ALDH1L1: variants seen among roughly 807,000 people sequenced by gnomAD.
ALDH1L1 encodes the protein cytosolic 10-formyltetrahydrofolate dehydrogenase.
In ALDH1L1, 68 loss-of-function variants were observed where a neutral mutation model predicts 101.1. That is an observed-to-expected ratio of 0.67 (90% CI 0.55 to 0.82). The LOEUF (loss-of-function observed/expected upper bound fraction) is 0.82, where lower values mean the gene tolerates loss of function less well. Among genes scored for constraint, ALDH1L1 ranks in the 40% least tolerant of loss-of-function variants. The probability of loss-of-function intolerance (pLI) is 0.00; values close to 1 mark genes in which losing one functional copy is unlikely to be tolerated. For synonymous variants in ALDH1L1, 486 were observed against 470.8 expected, an observed-to-expected ratio of 1.03 and a Z score of -0.42; for missense variants, 1,087 against 1,172.7, an observed-to-expected ratio of 0.93 and a Z score of 1.07.
chr3:126,111,696 G>A (rs1387376411), intron 19 of ALDH1L1, among the ~76,000 whole-genome samples: 1 of 152,140 alleles, frequency 6.6e-6, no homozygotes, highest in Non-Finnish European at 1.5e-5. Flanking sequence ...TCACCCCTCT[G>A]CTCATAGGCC....
intron 16 of ALDH1L1, among the ~76,000 whole-genome samples, chr3:126,124,110 GACACACACAC>G (rs3841921): frequency 0.28 from 40,949 of 148,818 alleles, 5,986 homozygotes; most frequent in Middle Eastern, 0.43. Context: ...AGGGCGCGCG[GACACACACAC>G]ACACACACAC....
chr3:126,196,274 T>A (rs906286900), intron 1 of ALDH1L1, among the ~76,000 whole-genome samples: 13 of 152,240 alleles, frequency 8.5e-5, no homozygotes, highest in African/African-American at 3.1e-4. Flanking sequence ...CTTCAAAAAT[T>A]AAGGGTCTCA....
At chr3:126,185,212 T>C (rs1029801143), upstream of ALDH1L1, among the ~76,000 whole-genome samples, 7 of 152,186 alleles carry the variant, frequency 4.6e-5, no homozygotes, top group African/African-American at 1.7e-4. Flanking sequence ...TGCCAGGTCC[T>C]CTCCAGCCCC....
chr3:126,180,626 T>G, upstream of ALDH1L1: 1 of 1,281,160 alleles, frequency 7.8e-7, no homozygotes, highest in Non-Finnish European at 1.0e-6. Context: ...CCAGAGCCCG[T>G]GAGGGGAGGG....
chr3:126,141,674 A>T (rs1353751761), intron 9 of ALDH1L1, among the ~76,000 whole-genome samples: 1 of 152,116 alleles, frequency 6.6e-6, no homozygotes, highest in Non-Finnish European at 1.5e-5. Context: ...AAAACACAAC[A>T]TACCAAAACT....
chr3:126,143,949 G>C (rs79125564), intron 9 of ALDH1L1, among the ~76,000 whole-genome samples: 1,939 of 152,128 alleles, frequency 0.013, 42 homozygotes, highest in African/African-American at 0.044. Context: ...CTAAAAAACA[G>C]AAAAAGAAAA....
Position 126,153,540 on chromosome 3 carries a change from C to T in ALDH1L1, c.762G>A (p.Leu254=), listed in dbSNP as rs2080848801. The stretch of plus-strand genomic sequence containing the variant: ...TGGGCAAAGCGTCTCCCTCGGGCAC[C>T]AGGCCTGAAGTGTTCAGCGTTGAGT... ...FFNSTLNTSG[L]VPEGDALPIP... Residue 254 remains leucine (L), a synonymous_variant, in exon 7 of 23, where the codon CTG becomes CTA. Coordinates refer to ENST00000393434, the MANE Select transcript of ALDH1L1 (RefSeq NM_012190.4). 1 of 1,614,158 alleles carries T rather than the reference C, an allele frequency of 6.2e-7. No individual in the cohort carries two copies. The highest frequency in any genetic ancestry group is 1.1e-5 in the South Asian group (1 of 91,070).
chr3:126,154,457 A>G lies in ALDH1L1; in HGVS notation c.720+97T>C, dbSNP rs567983778. The G allele has an allele frequency of 1.2e-5, 15 of 1,277,872 alleles. No homozygotes were observed. The East Asian group carries it at 3.5e-4, about 30-fold the overall frequency. 79.2% of individuals were successfully genotyped at this position (1,277,872 alleles called of 1,614,324 possible). A position where few individuals can be genotyped will look rare whatever the true frequency, so the allele number is the denominator to read the frequency against. ...GGGAGTAGGGGCCAGGGCAGTAGCT[A>G]TTTATTATACCAACCAGTTCAAACA... On this transcript the variant is annotated intron_variant, in intron 6 of 22. Coordinates refer to ENST00000393434, the MANE Select transcript of ALDH1L1 (RefSeq NM_012190.4).
Position 126,109,956 on chromosome 3 carries a change from C to T in ALDH1L1, c.2335G>A (p.Val779Ile). 6.2e-7 allele frequency: 1 copy of T among 1,614,028 alleles called. No individual in the cohort carries two copies. Among genetic ancestry groups the T allele is most frequent in the Non-Finnish European group, 8.5e-7 (1 of 1,179,972 alleles). ...GATLVCGGNQ[V>I]PRPGFFFEPT... ...CACTCTGACTCACCTGGCCGAGGGA[C>T]CTGATTCCCGCCGCAGACCAGTGTG... Residue 779 changes from valine (V) to isoleucine (I), a missense_variant, in exon 20 of 23, where the codon GTC (valine) becomes ATC (isoleucine). This residue lies in a region of ALDH1L1 where 442 missense variants were observed against 535.7 expected (regional missense o/e 0.83). Transcript: ENST00000393434.
Position 126,125,728 on chromosome 3 carries a change from C to T in ALDH1L1, c.1695-7G>A, listed in dbSNP as rs1395285841. 1.3e-6 allele frequency: 2 copies of T among 1,537,842 alleles called. No individual in the cohort carries two copies. The highest frequency in any genetic ancestry group is 1.2e-5 in the South Asian group (1 of 80,268). The stretch of plus-strand genomic sequence containing the variant: ...GATGATGATGCCACAAACCCTGCCA[C>T]ACAAAAGAGGTTGGCCTTTGTCCTT... On this transcript the variant is annotated splice_region_variant and splice_polypyrimidine_tract_variant and intron_variant, in intron 14 of 22. Transcript: ENST00000393434.
At chr3:126,147,185 C>T (rs544595930) in intron 8 of ALDH1L1, among the ~76,000 whole-genome samples, 2 of 152,324 alleles carry the variant, frequency 1.3e-5, no homozygotes, top group African/African-American at 4.8e-5. Flanking sequence ...CAACCCCCAG[C>T]TTCTCTGGGG....
chr3:126,119,727 A>G (rs2080041915), intron 16 of ALDH1L1, among the ~76,000 whole-genome samples: 1 of 152,254 alleles, frequency 6.6e-6, no homozygotes, highest in Non-Finnish European at 1.5e-5. Flanking sequence ...TGCAAAAGAT[A>G]TATCTGACAA....
chr3:126,133,487 A>G (rs944370823), intron 12 of ALDH1L1, among the ~76,000 whole-genome samples: 11 of 152,082 alleles, frequency 7.2e-5, no homozygotes, highest in African/African-American at 2.7e-4. Context: ...TGAATCCCCC[A>G]CATTTCTAGA....
chr3:126,172,156 A>G (rs1291424367), intron 1 of ALDH1L1, among the ~76,000 whole-genome samples: 2 of 152,218 alleles, frequency 1.3e-5, no homozygotes, highest in Non-Finnish European at 2.9e-5. Context: ...TTTACCCAAT[A>G]CATTATATCT....
intron 19 of ALDH1L1, among the ~76,000 whole-genome samples, chr3:126,111,878 TC>T (rs768773470): frequency 2.0e-5 from 3 of 151,810 alleles, no homozygotes; most frequent in Non-Finnish European, 4.4e-5. Context: ...CTCAGCTTGC[TC>T]CCCCCCTGGT....
At chr3:126,147,692 T>G (rs766370589) in intron 8 of ALDH1L1, among the ~76,000 whole-genome samples, 73 of 152,070 alleles carry the variant, frequency 4.8e-4, no homozygotes, top group Non-Finnish European at 8.7e-4. Flanking sequence ...TCCAGGCCAT[T>G]GTCAATCATG....
upstream of ALDH1L1, chr3:126,181,175 T>G (rs2081470234): frequency 3.0e-6 from 2 of 656,250 alleles, no homozygotes; most frequent in Non-Finnish European, 5.3e-6. Context: ...TACTCAGTCC[T>G]GGTGCCGCAG....
At chr3:126,182,333 C>T (rs762895797), upstream of ALDH1L1, among the ~76,000 whole-genome samples, 6 of 151,902 alleles carry the variant, frequency 3.9e-5, no homozygotes, top group Non-Finnish European at 7.4e-5. Flanking sequence ...TTTTAGTAGA[C>T]GTTTCACCGG....
intron 14 of ALDH1L1, among the ~76,000 whole-genome samples, chr3:126,127,104 G>A (rs1355835136): frequency 1.6e-4 from 24 of 152,180 alleles, no homozygotes; most frequent in South Asian, 4.1e-4. Flanking sequence ...ACCAGGAGAC[G>A]AGTTTCCATT....
Sources: gnomAD v4.1 joint callset for allele counts (sites outside exome capture counted in the v4.1 genomes callset) on GRCh38, gnomAD v4.1.1 for gene constraint, gnomAD v4.1.1 regional missense constraint, MANE v1.5 for transcripts, NCBI Gene and HGNC (gene_info 2026-07-23, HGNC 2026-07-21) for gene names.